Variants in LRRC58 observed in about 807,000 individuals in gnomAD.
LRRC58 encodes the protein leucine rich repeat containing 58.
Under a neutral mutation model 30.6 loss-of-function variants are expected in LRRC58, and 18 were observed. The observed-to-expected ratio is 0.59, with a 90% CI of 0.41 to 0.87. The LOEUF (loss-of-function observed/expected upper bound fraction) is 0.87, where lower values mean the gene tolerates loss of function less well. Among genes scored for constraint, LRRC58 ranks in the 40% least tolerant of loss-of-function variants. LRRC58 has a pLI of 0.00. For synonymous variants in LRRC58, 221 were observed against 206.0 expected, an observed-to-expected ratio of 1.07 and a Z score of -0.62; for missense variants, 420 against 468.4, an observed-to-expected ratio of 0.90 and a Z score of 0.95.
rs1310990116 is a variant in LRRC58, at chr3:120,326,544, C to T, written c.*4656G>A. 6.6e-6 allele frequency: 1 copy of T among 152,102 alleles called. No individual in the cohort carries two copies. The highest frequency in any genetic ancestry group is 1.5e-5 in the Non-Finnish European group (1 of 68,020). The allele number at this position is 152,102 out of a possible 1,614,324, so 9.4% of individuals were successfully genotyped here. A position where few individuals can be genotyped will look rare whatever the true frequency, so the allele number is the denominator to read the frequency against. The stretch of plus-strand genomic sequence containing the variant: ...AATATGGAAACTGGGACATTCAATA[C>T]AGAAGGAATCAGAAATGTATTATAG... On this transcript the variant is annotated 3_prime_UTR_variant, in exon 4 of 4. Transcript: ENST00000295628.
intron 1 of LRRC58, among the ~76,000 whole-genome samples, chr3:120,343,045 C>T (rs1174354480): frequency 6.6e-6 from 1 of 152,166 alleles, no homozygotes; most frequent in African/African-American, 2.4e-5. Flanking sequence ...TCTTTCAATG[C>T]TTTGGAAGTG....
chr3:120,347,379 C>CTTTTTTT lies in LRRC58; in HGVS notation c.500+1358_500+1364dup, dbSNP rs796116731. On this transcript the variant is annotated intron_variant, in intron 1 of 3. Transcript: ENST00000295628. The stretch of plus-strand genomic sequence containing the variant: ...AGTTCTTTTTTCCCAGGCCAATATT[C>CTTTTTTT]TTTTTTTTTTTTTTTTTTTTTTTGA... 6.8e-3 allele frequency among the ~76,000 whole-genome samples: 374 copies of CTTTTTTT among 54,826 alleles called. 60 individuals carry two copies. Among genetic ancestry groups the CTTTTTTT allele is most frequent in the African/African-American group, 0.022 (332 of 15,144 alleles). 36.0% of individuals were successfully genotyped at this position (54,826 alleles called of 152,430 possible).
Position 120,324,513 on chromosome 3 carries a change from T to C in LRRC58, c.*6687A>G, listed in dbSNP as rs1053113740. On this transcript the variant is annotated 3_prime_UTR_variant, in exon 4 of 4. Transcript: ENST00000295628. ...TCCATTGCATCTAGAACAGAGTCAA[T>C]GTTAGTACATATTTAATGTATGTAT... is the stretch of plus-strand genomic sequence containing the variant. 6.6e-6 allele frequency: 1 copy of C among 152,228 alleles called. No homozygotes were observed. Among genetic ancestry groups the C allele is most frequent in the Non-Finnish European group, 1.5e-5 (1 of 68,032 alleles). 9.4% of individuals were successfully genotyped at this position (152,228 alleles called of 1,614,324 possible). A position where few individuals can be genotyped will look rare whatever the true frequency, so the allele number is the denominator to read the frequency against.
At chr3:120,348,708 C>G (rs1165580114) in intron 1 of LRRC58, 36 bp downstream of exon 1, 1 of 1,504,398 alleles carries the variant, frequency 6.6e-7, no homozygotes, top group Admixed American at 2.2e-5. Context: ...GGACACCGCC[C>G]GAGGCCTCCC....
At chr3:120,347,379 CTTTTTTT>C (rs796116731) in intron 1 of LRRC58, among the ~76,000 whole-genome samples, 5 of 54,828 alleles carry the variant, frequency 9.1e-5, no homozygotes, top group Non-Finnish European at 1.4e-4. Flanking sequence ...GGCCAATATT[CTTTTTTT>C]TTTTTTTTTT....
Position 120,329,218 on chromosome 3 carries a change from A to C in LRRC58, c.*1982T>G, listed in dbSNP as rs1225228692. On this transcript the variant is annotated 3_prime_UTR_variant, in exon 4 of 4. Coordinates refer to ENST00000295628, the MANE Select transcript of LRRC58 (RefSeq NM_001099678.2). ...TATGAATACATTATTTTCTATGAAA[A>C]TATCTTATGTATCTTAGGTAAGTCA... is the stretch of plus-strand genomic sequence containing the variant. 6.6e-6 allele frequency: 1 copy of C among 152,126 alleles called. No individual in the cohort carries two copies. Among genetic ancestry groups the C allele is most frequent in the Non-Finnish European group, 1.5e-5 (1 of 67,960 alleles). 9.4% of individuals were successfully genotyped at this position (152,126 alleles called of 1,614,324 possible).
At position 120,331,034 on chromosome 3, in the gene LRRC58, T is replaced by C. The variant is rs1201813280; in HGVS notation, c.*166A>G. ...TAATCTAAACATGGGACTGGACTCATTCTTGCTGAATGGGTAGATGAAACA... is the reference window on the plus strand; with the variant it reads ...TAATCTAAACATGGGACTGGACTCACTCTTGCTGAATGGGTAGATGAAACA... On this transcript the variant is annotated 3_prime_UTR_variant, in exon 4 of 4. Transcript: ENST00000295628. 1.6e-6 allele frequency: 1 copy of C among 620,970 alleles called. No homozygotes were observed. Among genetic ancestry groups the C allele is most frequent in the African/African-American group, 1.8e-5 (1 of 54,106 alleles). The allele number at this position is 620,970 out of a possible 1,614,324, so 38.5% of individuals were successfully genotyped here.
intron 1 of LRRC58, among the ~76,000 whole-genome samples, chr3:120,339,741 TTAAGA>T (rs778817289): frequency 6.6e-6 from 1 of 152,206 alleles, no homozygotes; most frequent in Non-Finnish European, 1.5e-5. Flanking sequence ...CTACGACATG[TTAAGA>T]TATCAGTTTA....
At chr3:120,348,707 C>T in intron 1 of LRRC58, 37 bp downstream of exon 1, 1 of 1,503,972 alleles carries the variant, frequency 6.6e-7, no homozygotes, top group South Asian at 1.3e-5. Flanking sequence ...CGGACACCGC[C>T]CGAGGCCTCC....
intron 1 of LRRC58, among the ~76,000 whole-genome samples, chr3:120,343,743 C>T (rs1399980763): frequency 1.3e-5 from 2 of 152,150 alleles, no homozygotes; most frequent in Non-Finnish European, 2.9e-5. Context: ...TAAAAATATA[C>T]GTTAAGCTGG....
At chr3:120,338,865 T>C (rs6764516) in intron 1 of LRRC58, among the ~76,000 whole-genome samples, 18,080 of 152,172 alleles carry the variant, frequency 0.12, 1,171 homozygotes, top group African/African-American at 0.16. Context: ...ACTTTGGCTA[T>C]TGAGTGGCAA....
rs1394889934 is a variant in LRRC58 at position 120,348,860 on chromosome 3, G to A, written c.384C>T (p.Ser128=). 1.2e-6 allele frequency: 2 copies of A among 1,601,342 alleles called. No individual in the cohort carries two copies. Among genetic ancestry groups the A allele is most frequent in the Non-Finnish European group, 1.7e-6 (2 of 1,174,918 alleles). ...LCRSLQVLNL[S]GNCFQEVPAS... is the part of the protein sequence containing the mutation. ...CAGGCACCTCCTGGAAACAGTTGCCGCTGAGGTTGAGCACCTGGAGGCTGC... is the reference window on the plus strand; with the variant it reads ...CAGGCACCTCCTGGAAACAGTTGCCACTGAGGTTGAGCACCTGGAGGCTGC... Residue 128 remains serine (S), a synonymous_variant, in exon 1 of 4, where the codon AGC becomes AGT. Transcript: ENST00000295628.
At chr3:120,336,092 C>G in intron 1 of LRRC58, 139 bp from the exon 2 acceptor site, 3 of 616,936 alleles carry the variant, frequency 4.9e-6, no homozygotes, top group Non-Finnish European at 8.2e-6. Context: ...TATCCAGTCT[C>G]TAGAGAAACA....
chr3:120,332,925 T>G (rs1487446971), intron 3 of LRRC58, among the ~76,000 whole-genome samples: 1 of 151,954 alleles, frequency 6.6e-6, no homozygotes, highest in Non-Finnish European at 1.5e-5. Context: ...AATGTTTATA[T>G]TTTTTGTAGA....
rs1465472379 is a variant in LRRC58, at chr3:120,327,243, A to ATTTTTTTTT, written c.*3956_*3957insAAAAAAAAA. 9.2e-6 allele frequency: 1 copy of ATTTTTTTTT among 109,030 alleles called. No individual in the cohort carries two copies. Among genetic ancestry groups the ATTTTTTTTT allele is most frequent in the African/African-American group, 4.0e-5 (1 of 25,102 alleles). 6.8% of individuals were successfully genotyped at this position (109,030 alleles called of 1,614,324 possible). On this transcript the variant is annotated 3_prime_UTR_variant, in exon 4 of 4. Transcript: ENST00000295628. The stretch of plus-strand genomic sequence containing the variant: ...TCTTCTAGCCCTGTGGCTTCTAAAG[A>ATTTTTTTTT]TTTCTTTTTTTTTTTTTTTTTTTTT...
chr3:120,337,100 A>G (rs1210942346), intron 1 of LRRC58, among the ~76,000 whole-genome samples: 2 of 152,116 alleles, frequency 1.3e-5, no homozygotes. Flanking sequence ...GACCCCATCC[A>G]GATGCACTAA....
chr3:120,347,376 A>ATTTTTTTTTTTTTTTTTTTTTTTTTTT, intron 1 of LRRC58, among the ~76,000 whole-genome samples: 1 of 51,106 alleles, frequency 2.0e-5, no homozygotes, highest in Non-Finnish European at 3.8e-5. Context: ...CCAGGCCAAT[A>ATTTTTTTTTTTTTTTTTTTTTTTTTTT]TTCTTTTTTT....
chr3:120,347,379 C>CTTTTTTTTTTTTTTT (rs796116731), intron 1 of LRRC58, among the ~76,000 whole-genome samples: 1,067 of 54,802 alleles, frequency 0.019, 224 homozygotes, highest in East Asian at 0.053. Context: ...GGCCAATATT[C>CTTTTTTTTTTTTTTT]TTTTTTTTTT....
chr3:120,347,379 C>CTTTTTTTTTATTTT (rs1935982691), intron 1 of LRRC58, among the ~76,000 whole-genome samples: 1 of 54,828 alleles, frequency 1.8e-5, no homozygotes, highest in East Asian at 7.0e-4. Context: ...GGCCAATATT[C>CTTTTTTTTTATTTT]TTTTTTTTTT....
Sources: allele counts gnomAD v4.1 joint callset (sites outside exome capture counted in the v4.1 genomes callset), GRCh38; gene constraint gnomAD v4.1.1; transcripts MANE v1.5; gene names NCBI Gene and HGNC (gene_info 2026-07-23, HGNC 2026-07-21).